The following PARD3B variants were observed in gnomAD, a reference collection of about 807,000 sequenced individuals.
The protein encoded by PARD3B is par-3 family cell polarity regulator beta.
PARD3B carries 103 observed loss-of-function variants against 130.2 expected under a neutral mutation model. The observed-to-expected ratio is 0.79, with a 90% confidence interval of 0.67 to 0.93. The LOEUF (loss-of-function observed/expected upper bound fraction) is 0.93. Among genes scored for constraint, PARD3B ranks in the 40% least tolerant of loss-of-function variants. The pLI is 0.00. For synonymous variants in PARD3B, 583 were observed against 553.2 expected (o/e 1.05, Z -0.76); for missense variants, 1,609 against 1,499.2 (o/e 1.07, Z -1.21).
intron 1 of PARD3B, among the ~76,000 whole-genome samples, chr2:204,616,086 C>T (rs2034101702): frequency 6.6e-6 from 1 of 152,020 alleles, no homozygotes; most frequent in African/African-American, 2.4e-5. Context: ...GGTACAACAC[C>T]AAAGGCACAG....
At position 205,500,038 on chromosome 2, in the gene PARD3B, G is replaced by T. The variant is rs377518207; in HGVS notation, c.3180+7G>T. 19 of 1,610,624 alleles carry T rather than the reference G, an allele frequency of 1.2e-5. No individual in the cohort carries two copies. Among genetic ancestry groups the T allele is most frequent in the Non-Finnish European group, 1.6e-5 (19 of 1,178,632 alleles). On this transcript the variant is annotated splice_region_variant and intron_variant, in intron 21 of 22. Transcript: ENST00000406610. The stretch of plus-strand genomic sequence containing the variant: ...TGAGTATGACCTACTCTGGGTAAGC[G>T]CATGCATGATTTCAATCGTTGAATT...
intron 1 of PARD3B, among the ~76,000 whole-genome samples, chr2:204,566,719 T>G (rs915237796): frequency 2.0e-5 from 3 of 152,204 alleles, no homozygotes; most frequent in African/African-American, 7.2e-5. Flanking sequence ...ATGTTTTTGT[T>G]TATTTATAAT....
At chr2:204,964,582 A>G (rs1447384527) in intron 2 of PARD3B, among the ~76,000 whole-genome samples, 1 of 152,204 alleles carries the variant, frequency 6.6e-6, no homozygotes, top group Non-Finnish European at 1.5e-5. Flanking sequence ...AATTAAAGGC[A>G]TGTACAAAAA....
intron 3 of PARD3B, among the ~76,000 whole-genome samples, chr2:205,018,749 A>AAAAAAG (rs1559359658): frequency 8.3e-6 from 1 of 120,026 alleles, no homozygotes; most frequent in Non-Finnish European, 1.8e-5. Flanking sequence ...AAAAAAAAAA[A>AAAAAAG]AGCACGCTGA....
At chr2:204,883,995 C>A (rs981662616) in intron 2 of PARD3B, among the ~76,000 whole-genome samples, 2 of 152,020 alleles carry the variant, frequency 1.3e-5, no homozygotes, top group Non-Finnish European at 2.9e-5. Flanking sequence ...CCTTGGCCTC[C>A]CAAAGTGTTG....
At chr2:205,096,586 C>T (rs1702413796) in intron 4 of PARD3B, among the ~76,000 whole-genome samples, 7 of 152,096 alleles carry the variant, frequency 4.6e-5, no homozygotes, top group Admixed American at 4.6e-4. Context: ...GTGCATTTTA[C>T]AAAGTTCAGA....
At chr2:204,700,970 A>G (rs62177802) in intron 2 of PARD3B, among the ~76,000 whole-genome samples, 2,358 of 152,210 alleles carry the variant, frequency 0.015, 40 homozygotes, top group Non-Finnish European at 0.025. Flanking sequence ...ATCATCTGCA[A>G]TCACATCAAG....
intron 2 of PARD3B, among the ~76,000 whole-genome samples, chr2:204,834,028 A>G (rs958038579): frequency 1.6e-4 from 25 of 151,570 alleles, no homozygotes; most frequent in African/African-American, 5.6e-4. Flanking sequence ...AACTACTTCA[A>G]CTGGTCCCCA....
intron 18 of PARD3B, among the ~76,000 whole-genome samples, chr2:205,333,175 A>G (rs1244350525): frequency 1.3e-5 from 2 of 152,142 alleles, no homozygotes; most frequent in African/African-American, 2.4e-5. Flanking sequence ...TGAGAGGGGA[A>G]TGAGAAAAGC....
At chr2:204,885,039 T>C (rs2046221825) in intron 2 of PARD3B, among the ~76,000 whole-genome samples, 2 of 152,202 alleles carry the variant, frequency 1.3e-5, no homozygotes, top group Admixed American at 1.3e-4. Flanking sequence ...CTCTAGCTCT[T>C]TGAAGAATCG....
intron 18 of PARD3B, among the ~76,000 whole-genome samples, chr2:205,370,660 G>A (rs749186750): frequency 6.6e-6 from 1 of 152,178 alleles, no homozygotes; most frequent in Non-Finnish European, 1.5e-5. Context: ...AATTGCTCTT[G>A]GATGCAGTAG....
intron 2 of PARD3B, among the ~76,000 whole-genome samples, chr2:204,807,294 A>C (rs1238480473): frequency 2.6e-5 from 4 of 152,170 alleles, no homozygotes; most frequent in Non-Finnish European, 5.9e-5. Flanking sequence ...CATTACAATG[A>C]GATGTTTCAC....
chr2:205,438,254 G>A (rs886079482), intron 19 of PARD3B, among the ~76,000 whole-genome samples: 46 of 152,208 alleles, frequency 3.0e-4, no homozygotes, highest in Middle Eastern at 3.4e-3. Flanking sequence ...GATTCTCCAC[G>A]TACTCAGCAA....
chr2:205,113,876 C>T (rs1703834253), intron 6 of PARD3B, among the ~76,000 whole-genome samples: 1 of 152,094 alleles, frequency 6.6e-6, no homozygotes, highest in Non-Finnish European at 1.5e-5. Context: ...AAGATGTTAA[C>T]ATATTGTTAG....
At chr2:205,188,383 G>A (rs963270836) in intron 14 of PARD3B, among the ~76,000 whole-genome samples, 7 of 152,302 alleles carry the variant, frequency 4.6e-5, no homozygotes, top group East Asian at 1.9e-4. Flanking sequence ...TGCTTCTCCG[G>A]AGAGCAGTGG....
chr2:204,642,603 A>G (rs2035115819), intron 1 of PARD3B, among the ~76,000 whole-genome samples: 1 of 152,092 alleles, frequency 6.6e-6, no homozygotes. Flanking sequence ...TAATCTGGAG[A>G]CTGAGAAAAT....
chr2:205,612,953 G>A (rs1009248496), intron 22 of PARD3B, among the ~76,000 whole-genome samples: 2 of 152,122 alleles, frequency 1.3e-5, no homozygotes, highest in Admixed American at 6.5e-5. Context: ...TGTGCTCGCC[G>A]ACTGTACTGT....
chr2:205,615,941 C>A lies in PARD3B; in HGVS notation c.*128C>A. On this transcript the variant is annotated 3_prime_UTR_variant, in exon 23 of 23. Transcript: ENST00000406610. Reference sequence around the variant, plus strand: ...TTACTGATAAGCTTTTTCTCACTGACATTGTAACGCATGACTGCTAATCAG... The same window carrying A: ...TTACTGATAAGCTTTTTCTCACTGAAATTGTAACGCATGACTGCTAATCAG... 1.3e-6 allele frequency: 1 copy of A among 787,290 alleles called. No individual in the cohort carries two copies. Among genetic ancestry groups the A allele is most frequent in the Non-Finnish European group, 2.1e-6 (1 of 484,278 alleles). The allele number at this position is 787,290 out of a possible 1,614,324, so 48.8% of individuals were successfully genotyped here. A position where few individuals can be genotyped will look rare whatever the true frequency, so the allele number is the denominator to read the frequency against.
intron 2 of PARD3B, among the ~76,000 whole-genome samples, chr2:204,800,599 G>A (rs1175592333): frequency 6.6e-6 from 1 of 152,108 alleles, no homozygotes; most frequent in Non-Finnish European, 1.5e-5. Flanking sequence ...ACTCCCAAAG[G>A]TCAAGAATAG....
Sources: gnomAD v4.1 joint callset for allele counts (sites outside exome capture counted in the v4.1 genomes callset) on GRCh38, gnomAD v4.1.1 for gene constraint, MANE v1.5 for transcripts, NCBI Gene and HGNC (gene_info 2026-07-23, HGNC 2026-07-21) for gene names.